The following AUTS2 variants were observed in gnomAD, a reference collection of about 807,000 sequenced individuals.
AUTS2 encodes the protein activator of transcription and developmental regulator AUTS2.
In AUTS2, 17 loss-of-function variants were observed where a neutral mutation model predicts 112.4. That is an observed-to-expected ratio of 0.15 (90% CI 0.10 to 0.23). The LOEUF is 0.23. AUTS2 is among the 10% of genes least tolerant of loss of function. The pLI is 1.00. For synonymous variants in AUTS2, 751 were observed against 702.7 expected, an observed-to-expected ratio of 1.07 and a Z score of -1.09; for missense variants, 1,510 against 1,701.6, an observed-to-expected ratio of 0.89 and a Z score of 1.98.
intron 4 of AUTS2, among the ~76,000 whole-genome samples, chr7:70,333,007 A>G (rs1423471855): frequency 4.6e-5 from 7 of 152,250 alleles, no homozygotes; most frequent in African/African-American, 7.2e-5. Context: ...AAAAGAAACT[A>G]TCATTAGAGT....
intron 3 of AUTS2, among the ~76,000 whole-genome samples, chr7:70,133,206 C>G (rs1041471110): frequency 6.6e-6 from 1 of 152,124 alleles, no homozygotes; most frequent in Admixed American, 6.5e-5. Context: ...TTAGGAATGC[C>G]TTGAAGCATA....
intron 6 of AUTS2, among the ~76,000 whole-genome samples, chr7:70,732,622 G>A (rs542391516): frequency 6.6e-6 from 1 of 152,232 alleles, no homozygotes; most frequent in East Asian, 1.9e-4. Context: ...TTCCCGCCTG[G>A]CTCTCATTGA....
chr7:70,715,242 A>G (rs1810295581), intron 6 of AUTS2, among the ~76,000 whole-genome samples: 1 of 152,228 alleles, frequency 6.6e-6, no homozygotes, highest in African/African-American at 2.4e-5. Context: ...CATTTTTCTT[A>G]CAATAAATCT....
intron 4 of AUTS2, among the ~76,000 whole-genome samples, chr7:70,247,060 G>T (rs1812963022): frequency 6.6e-6 from 1 of 151,986 alleles, no homozygotes; most frequent in African/African-American, 2.4e-5. Flanking sequence ...ACAGATATTT[G>T]TTCACCAATG....
chr7:69,899,515 TCGCTCTTTCCTGTGG>T lies in AUTS2; in HGVS notation c.522+20_522+34del. 1 of 1,613,228 alleles carries T rather than the reference TCGCTCTTTCCTGTGG, an allele frequency of 6.2e-7. No homozygotes were observed. The highest frequency in any genetic ancestry group is 2.2e-5 in the East Asian group (1 of 44,872). On this transcript the variant is annotated intron_variant, in intron 2 of 18. Coordinates refer to ENST00000342771, the MANE Select transcript of AUTS2 (RefSeq NM_015570.4). ...CTCAGACAGGTGAGGAAGCTTGGGT[TCGCTCTTTCCTGTGG>T]CGGCAAAATCCCTTCCTTAGGTGCT... is the stretch of plus-strand genomic sequence containing the variant.
intron 4 of AUTS2, among the ~76,000 whole-genome samples, chr7:70,282,292 G>A (rs1001296167): frequency 6.6e-6 from 1 of 152,176 alleles, no homozygotes; most frequent in Non-Finnish European, 1.5e-5. Context: ...TGTTACAGCA[G>A]TACCCTCCCT....
intron 2 of AUTS2, among the ~76,000 whole-genome samples, chr7:70,096,832 A>G (rs1320405982): frequency 6.6e-6 from 1 of 152,178 alleles, no homozygotes; most frequent in Non-Finnish European, 1.5e-5. Flanking sequence ...GTTCCAAGAG[A>G]ATTAGAATAT....
chr7:70,077,983 G>A lies in AUTS2; in HGVS notation c.523-40149G>A, dbSNP rs990849711. On this transcript the variant is annotated intron_variant, in intron 2 of 18. Transcript: ENST00000342771. ...TATTCAGATTGACAGTGGATATGCCGGTCTCATTCTTTGATGTTTGGTACA... is the reference window on the plus strand; with the variant it reads ...TATTCAGATTGACAGTGGATATGCCAGTCTCATTCTTTGATGTTTGGTACA... Among the ~76,000 whole-genome samples the A allele has an allele frequency of 5.9e-5, 9 of 152,192 alleles. No individual in the cohort carries two copies. The South Asian group carries it at 8.3e-4, about 14-fold the overall frequency.
intron 1 of AUTS2, among the ~76,000 whole-genome samples, chr7:69,644,113 T>G (rs1196897568): frequency 6.6e-6 from 1 of 152,192 alleles, no homozygotes; most frequent in Non-Finnish European, 1.5e-5. Context: ...TTCGCCTGTT[T>G]AAGTCACCCA....
At chr7:70,642,377 A>G (rs1445940213) in intron 5 of AUTS2, among the ~76,000 whole-genome samples, 1 of 62,892 alleles carries the variant, frequency 1.6e-5, no homozygotes, top group African/African-American at 5.7e-5. Flanking sequence ...ATCTGGTTTA[A>G]TAAGTCTTTT....
intron 5 of AUTS2, among the ~76,000 whole-genome samples, chr7:70,483,684 A>G (rs1797877432): frequency 6.6e-6 from 1 of 152,104 alleles, no homozygotes; most frequent in African/African-American, 2.4e-5. Context: ...CAGTTGTAGG[A>G]TTTATGGAGG....
intron 5 of AUTS2, among the ~76,000 whole-genome samples, chr7:70,602,042 G>T (rs62455838): frequency 0.041 from 6,154 of 151,804 alleles, 130 homozygotes; most frequent in South Asian, 0.074. Flanking sequence ...ACCCCCCAGG[G>T]CAGGTGCCTC....
intron 2 of AUTS2, among the ~76,000 whole-genome samples, chr7:69,991,045 G>A (rs78353731): frequency 0.033 from 5,041 of 152,210 alleles, 292 homozygotes; most frequent in African/African-American, 0.12. Flanking sequence ...GTGAAGAGAC[G>A]AGATAGCTTG....
intron 1 of AUTS2, among the ~76,000 whole-genome samples, chr7:69,695,182 A>C (rs1166391205): frequency 1.3e-5 from 2 of 152,060 alleles, no homozygotes; most frequent in African/African-American, 4.8e-5. Context: ...AAGAAAAAAA[A>C]GTCACATGTG....
intron 1 of AUTS2, among the ~76,000 whole-genome samples, chr7:69,738,512 AGCT>A (rs935093083): frequency 1.3e-5 from 2 of 152,094 alleles, no homozygotes; most frequent in African/African-American, 4.8e-5. Flanking sequence ...CCCTCTCCCC[AGCT>A]GATATTTTTG....
intron 4 of AUTS2, among the ~76,000 whole-genome samples, chr7:70,243,216 G>A (rs1812714381): frequency 6.7e-6 from 1 of 150,142 alleles, no homozygotes; most frequent in South Asian, 2.1e-4. Context: ...AAAATAGAGA[G>A]GAAAGAATGT....
chr7:70,139,788 C>T (rs1806758119), intron 4 of AUTS2, among the ~76,000 whole-genome samples: 1 of 152,062 alleles, frequency 6.6e-6, no homozygotes, highest in Admixed American at 6.6e-5. Context: ...CACTTGAGGT[C>T]AGGAGTTCGA....
intron 5 of AUTS2, among the ~76,000 whole-genome samples, chr7:70,618,773 A>G (rs556323327): frequency 6.6e-6 from 1 of 152,274 alleles, no homozygotes; most frequent in African/African-American, 2.4e-5. Flanking sequence ...AGAGAGAGCA[A>G]GAGAAAAAAA....
intron 6 of AUTS2, among the ~76,000 whole-genome samples, chr7:70,761,254 T>C (rs1447058389): frequency 6.6e-6 from 1 of 152,200 alleles, no homozygotes; most frequent in Non-Finnish European, 1.5e-5. Flanking sequence ...TGTAGTGTGC[T>C]GTGATTACAC....
Sources: gnomAD v4.1 joint callset for allele counts (sites outside exome capture counted in the v4.1 genomes callset) on GRCh38, gnomAD v4.1.1 for gene constraint, MANE v1.5 for transcripts, NCBI Gene and HGNC (gene_info 2026-07-23, HGNC 2026-07-21) for gene names.